PIK3C2G: variants seen among roughly 807,000 people sequenced by gnomAD.
PIK3C2G encodes phosphatidylinositol-4-phosphate 3-kinase catalytic subunit type 2 gamma, also known as phosphatidylinositol 3-kinase C2 domain-containing subunit gamma.
PIK3C2G carries 168 observed loss-of-function variants against 181.1 expected under a neutral mutation model. The observed-to-expected ratio is 0.93, with a 90% CI of 0.82 to 1.05. The LOEUF is 1.05. PIK3C2G is among the 50% of genes least tolerant of loss of function. The pLI is 0.00. For synonymous variants in PIK3C2G, 573 were observed against 592.2 expected (o/e 0.97, Z 0.47); for missense variants, 1,869 against 1,732.8 (o/e 1.08, Z -1.40).
chr12:18,282,273 T>A lies in PIK3C2G; in HGVS notation c.192T>A (p.Phe64Leu), dbSNP rs766110014. 5.6e-6 allele frequency: 9 copies of A among 1,613,470 alleles called. No individual in the cohort carries two copies. The East Asian group carries it at 1.8e-4, about 32-fold the overall frequency. ...YESEIDENTF[F>L]VPTAPKWDST... is the part of the protein sequence containing the mutation. ...GTGAAATTGATGAAAACACCTTTTT[T>A]GTGCCCACTGCACCAAAATGGGACT... Residue 64 changes from phenylalanine (F) to leucine (L), a missense_variant, in exon 2 of 33, where the codon TTT becomes TTA. Physicochemically the swap from Phe to Leu is conservative, Grantham distance 22 (BLOSUM62 0). Coordinates refer to ENST00000538779, the MANE Select transcript of PIK3C2G (RefSeq NM_001288772.2).
rs965988810 is a variant in PIK3C2G at position 18,468,869 on chromosome 12, G to T, written c.2505-19580G>T. ...CTACAGGAAGAAGCATGTGCTTAAT[G>T]ACCAGAAAATGAGTCAAACCATTGA... On this transcript the variant is annotated intron_variant, in intron 18 of 32. Transcript: ENST00000538779. 2.4e-4 allele frequency among the ~76,000 whole-genome samples: 36 copies of T among 152,028 alleles called. 1 individual carries two copies. The highest frequency in any genetic ancestry group is 8.5e-4 in the African/African-American group (35 of 41,416).
intron 18 of PIK3C2G, among the ~76,000 whole-genome samples, chr12:18,455,271 TG>T (rs1200319091): frequency 6.6e-6 from 1 of 151,642 alleles, no homozygotes; most frequent in Admixed American, 6.6e-5. Context: ...CACAAAGACA[TG>T]AACACCAGTA....
chr12:18,519,120 T>A (rs1274822506), intron 24 of PIK3C2G, among the ~76,000 whole-genome samples: 2 of 152,224 alleles, frequency 1.3e-5, no homozygotes, highest in African/African-American at 4.8e-5. Flanking sequence ...TTCAATTCTT[T>A]TGCATTTGCT....
intron 1 of PIK3C2G, among the ~76,000 whole-genome samples, chr12:18,267,655 C>T (rs1330024408): frequency 1.3e-5 from 2 of 152,158 alleles, no homozygotes; most frequent in East Asian, 1.9e-4. Context: ...TAAATATGAA[C>T]AGACTTCATC....
the PIK3C2G span, among the ~76,000 whole-genome samples, chr12:18,680,286 A>C: frequency 1.3e-5 from 2 of 151,858 alleles, no homozygotes; most frequent in East Asian, 3.9e-4. Flanking sequence ...TGACTCCCAA[A>C]TTTCCTGAGA....
intron 3 of PIK3C2G, among the ~76,000 whole-genome samples, chr12:18,287,889 C>T (rs542437200): frequency 4.0e-5 from 6 of 150,482 alleles, no homozygotes; most frequent in Admixed American, 6.6e-5. Flanking sequence ...AGGCTGGGCA[C>T]GGTGGCTCAC....
chr12:18,491,058 C>T (rs1051869952), intron 19 of PIK3C2G, among the ~76,000 whole-genome samples: 2 of 152,114 alleles, frequency 1.3e-5, no homozygotes, highest in Non-Finnish European at 2.9e-5. Flanking sequence ...TTGAGAGTCA[C>T]AAACTCAGAT....
rs563095185 is a variant in PIK3C2G, at chr12:18,642,242, C to A, written c.4308+1688C>A. 2.0e-5 allele frequency among the ~76,000 whole-genome samples: 3 copies of A among 152,282 alleles called. No individual in the cohort carries two copies. In the South Asian group the frequency reaches 6.2e-4, roughly 32 times the overall value. On this transcript the variant is annotated intron_variant, in intron 32 of 32. Transcript: ENST00000538779. ...TTTTTCTAAAAGTTGTATAGCTTTA[C>A]ATTTTACATTTAAGTACATTACCCA...
chr12:18,499,053 G>A (rs1282444244), intron 22 of PIK3C2G, among the ~76,000 whole-genome samples: 2 of 152,038 alleles, frequency 1.3e-5, no homozygotes, highest in African/African-American at 4.8e-5. Flanking sequence ...TGATCCCAGT[G>A]GAATTTTTAA....
intron 26 of PIK3C2G, among the ~76,000 whole-genome samples, chr12:18,548,002 A>G (rs2136280069): frequency 6.6e-6 from 1 of 152,126 alleles, no homozygotes; most frequent in East Asian, 1.9e-4. Flanking sequence ...AAGGTCCTTC[A>G]GAATTGAAGG....
At chr12:18,306,453 C>T (rs12582971) in intron 5 of PIK3C2G, among the ~76,000 whole-genome samples, 22,892 of 151,936 alleles carry the variant, frequency 0.15, 2,135 homozygotes, top group East Asian at 0.46. Flanking sequence ...TAACAATAAA[C>T]TCAAGAAGCA....
the PIK3C2G span, among the ~76,000 whole-genome samples, chr12:18,700,367 A>G: frequency 6.6e-6 from 1 of 151,960 alleles, no homozygotes; most frequent in African/African-American, 2.4e-5. Flanking sequence ...CCATTTCCCA[A>G]GTTTTGTTTT....
At position 18,371,323 on chromosome 12, in the gene PIK3C2G, A is replaced by G. The variant is rs1269082609; in HGVS notation, c.1880+12A>G. On this transcript the variant is annotated intron_variant, in intron 13 of 32. Coordinates refer to ENST00000538779, the MANE Select transcript of PIK3C2G (RefSeq NM_001288772.2). ...CTGTTTCCAAAAGAGTAAGTGTATCAATTGTGAGTAATAAGCCTATCATTT... is the reference window on the plus strand; with the variant it reads ...CTGTTTCCAAAAGAGTAAGTGTATCGATTGTGAGTAATAAGCCTATCATTT... 3.1e-6 allele frequency: 5 copies of G among 1,595,662 alleles called. No individual in the cohort carries two copies. The Middle Eastern group carries it at 5.0e-4, about 160-fold the overall frequency.
intron 18 of PIK3C2G, among the ~76,000 whole-genome samples, chr12:18,441,543 G>A (rs1296273160): frequency 6.6e-6 from 1 of 152,114 alleles, no homozygotes; most frequent in African/African-American, 2.4e-5. Context: ...TGTAGCACAG[G>A]AAGATTGGTA....
At chr12:18,431,681 G>A (rs975210565) in intron 18 of PIK3C2G, among the ~76,000 whole-genome samples, 1 of 152,158 alleles carries the variant, frequency 6.6e-6, no homozygotes, top group Non-Finnish European at 1.5e-5. Flanking sequence ...AGAATCCATA[G>A]GGGGCTTTAA....
chr12:18,393,837 A>T (rs1943696230), intron 15 of PIK3C2G, among the ~76,000 whole-genome samples: 1 of 152,172 alleles, frequency 6.6e-6, no homozygotes, highest in African/African-American at 2.4e-5. Flanking sequence ...GTAGAATATA[A>T]GAAGAGAATG....
intron 20 of PIK3C2G, among the ~76,000 whole-genome samples, chr12:18,495,427 A>T (rs573350635): frequency 5.1e-4 from 78 of 152,272 alleles, no homozygotes; most frequent in African/African-American, 1.8e-3. Context: ...GCTATTTATA[A>T]AAAACAAGAA....
At chr12:18,353,547 C>T (rs917252577) in intron 11 of PIK3C2G, among the ~76,000 whole-genome samples, 3 of 152,142 alleles carry the variant, frequency 2.0e-5, no homozygotes, top group Non-Finnish European at 4.4e-5. Context: ...TCAACAGGTG[C>T]ACCTTGAGAA....
chr12:18,512,433 C>T lies in PIK3C2G; in HGVS notation c.3323+6972C>T, dbSNP rs369049027. On this transcript the variant is annotated intron_variant, in intron 24 of 32. Transcript: ENST00000538779. ...GACATTTTAAAAATATTAATTCTTC[C>T]AATCCAAGAACACAGAAAATCTTTT... 2.6e-5 allele frequency among the ~76,000 whole-genome samples: 4 copies of T among 151,970 alleles called. No individual in the cohort carries two copies. In the East Asian group the frequency reaches 7.8e-4, roughly 29 times the overall value.
Sources: gnomAD v4.1 joint callset for allele counts (sites outside exome capture counted in the v4.1 genomes callset) on GRCh38, gnomAD v4.1.1 for gene constraint, MANE v1.5 for transcripts, NCBI Gene and HGNC (gene_info 2026-07-23, HGNC 2026-07-21) for gene names.